TFAP2D: variants seen among roughly 807,000 people sequenced by gnomAD.
The protein encoded by TFAP2D is transcription factor AP-2-delta.
TFAP2D carries 9 observed loss-of-function variants against 43.6 expected under a neutral mutation model. That is an observed-to-expected ratio of 0.21 (90% CI 0.12 to 0.36). TFAP2D has a LOEUF of 0.36. Among genes scored for constraint, TFAP2D ranks in the 10% least tolerant of loss-of-function variants. TFAP2D has a pLI of 1.00. For synonymous variants in TFAP2D, 256 were observed against 224.9 expected (o/e 1.14, Z -1.24); for missense variants, 513 against 561.4 (o/e 0.91, Z 0.87).
At chr6:50,743,423 G>A (rs780906541) in intron 5 of TFAP2D, among the ~76,000 whole-genome samples, 9 of 151,832 alleles carry the variant, frequency 5.9e-5, no homozygotes, top group East Asian at 1.9e-4. Flanking sequence ...ACTCTGTCAC[G>A]CAGGCTGGAG....
At chr6:50,767,463 C>G (rs958095760) in intron 7 of TFAP2D, among the ~76,000 whole-genome samples, 1 of 152,134 alleles carries the variant, frequency 6.6e-6, no homozygotes, top group Admixed American at 6.5e-5. Context: ...AGAGTTTAGC[C>G]TCACCTGTTT....
At chr6:50,722,221 T>G (rs193209764) in intron 3 of TFAP2D, among the ~76,000 whole-genome samples, 1 of 152,214 alleles carries the variant, frequency 6.6e-6, no homozygotes, top group African/African-American at 2.4e-5. Flanking sequence ...GTGTACGCGA[T>G]TTTGCCCGCA....
intron 3 of TFAP2D, among the ~76,000 whole-genome samples, chr6:50,720,081 G>A (rs776529882): frequency 6.6e-6 from 1 of 152,178 alleles, no homozygotes; most frequent in Non-Finnish European, 1.5e-5. Flanking sequence ...GGGACCAGCT[G>A]TTATCCTAAC....
chr6:50,723,654 C>G (rs1561932088), intron 3 of TFAP2D, among the ~76,000 whole-genome samples: 2 of 152,114 alleles, frequency 1.3e-5, no homozygotes, highest in African/African-American at 4.8e-5. Context: ...ACTCTTGTAC[C>G]AAAGCATCCA....
chr6:50,744,636 T>G (rs1361581259), intron 5 of TFAP2D, among the ~76,000 whole-genome samples: 1 of 152,164 alleles, frequency 6.6e-6, no homozygotes, highest in Non-Finnish European at 1.5e-5. Flanking sequence ...TTCTCCGACT[T>G]CCTCGAAAAG....
chr6:50,772,085 CT>C (rs1769536854), intron 7 of TFAP2D, among the ~76,000 whole-genome samples: 2 of 152,138 alleles, frequency 1.3e-5, no homozygotes, highest in Non-Finnish European at 2.9e-5. Flanking sequence ...AGTTCATGTC[CT>C]TTCTAGGGAC....
At chr6:50,726,321 T>C (rs1412925606) in intron 3 of TFAP2D, among the ~76,000 whole-genome samples, 1 of 152,190 alleles carries the variant, frequency 6.6e-6, no homozygotes, top group African/African-American at 2.4e-5. Context: ...TTAGTAAAGA[T>C]AAGAAAGTTC....
At chr6:50,720,486 AACACACACACACACACACAC>A (rs59484837) in intron 3 of TFAP2D, among the ~76,000 whole-genome samples, 7,265 of 139,134 alleles carry the variant, frequency 0.052, 208 homozygotes, top group Non-Finnish European at 0.063. Flanking sequence ...TGGAGATTAA[AACACACACACACACACACAC>A]ACACACACAC....
intron 5 of TFAP2D, among the ~76,000 whole-genome samples, chr6:50,742,451 G>A (rs973728578): frequency 6.6e-6 from 1 of 152,056 alleles, no homozygotes; most frequent in Non-Finnish European, 1.5e-5. Flanking sequence ...CAAAATTCAA[G>A]AGGCGTGCTG....
At chr6:50,724,846 T>A (rs1319249159) in intron 3 of TFAP2D, among the ~76,000 whole-genome samples, 1 of 151,686 alleles carries the variant, frequency 6.6e-6, no homozygotes, top group East Asian at 1.9e-4. Flanking sequence ...GTTGTTTTTT[T>A]AAAAAAAAGT....
intron 5 of TFAP2D, 29 bp downstream of exon 5, chr6:50,729,341 G>T (rs749058586): frequency 2.4e-5 from 38 of 1,585,008 alleles, no homozygotes; most frequent in Non-Finnish European, 3.3e-5. Context: ...GCAAAATAAT[G>T]CTGGAAGGTT....
chr6:50,749,175 A>G lies in TFAP2D; in HGVS notation c.1026-2036A>G, dbSNP rs183628663. 6.5e-4 allele frequency among the ~76,000 whole-genome samples: 98 copies of G among 151,746 alleles called. 2 individuals carry two copies. The East Asian group carries it at 0.013, about 20-fold the overall frequency. On this transcript the variant is annotated intron_variant, in intron 6 of 7. Transcript: ENST00000008391. The stretch of plus-strand genomic sequence containing the variant: ...CTGTAGAATTAAATATAAAAGGGGG[A>G]GATATAATATAATATAATATTACTC...
intron 7 of TFAP2D, among the ~76,000 whole-genome samples, chr6:50,756,377 CTAAT>C (rs144811025): frequency 0.02 from 3,038 of 152,094 alleles, 78 homozygotes; most frequent in East Asian, 0.1. Context: ...AAAGAATACT[CTAAT>C]TAACACCATC....
rs769871422 is a variant in TFAP2D, at chr6:50,728,967, G to A, written c.710G>A (p.Arg237His). Residue 237 changes from arginine (R) to histidine (H), a missense_variant, in exon 4 of 8, where the codon CGC (arginine) becomes CAC (histidine). Arg to His is a conservative substitution (Grantham distance 29, BLOSUM62 0). Around this residue, in one of 3 missense-constraint regions of TFAP2D, gnomAD observed 311 missense variants for 316.2 expected, o/e 0.98. Transcript: ENST00000008391. ...YKVTIAEVKR[R>H]LSPPECLNAS... is the part of the protein sequence containing the mutation. The stretch of plus-strand genomic sequence containing the variant: ...GTGACCATTGCTGAGGTAAAGAGGC[G>A]CCTCTCCCCACCTGAGTGCCTCAAT... The A allele has an allele frequency of 4.3e-6, 7 of 1,613,846 alleles. No homozygotes were observed. The highest frequency in any genetic ancestry group is 1.6e-4 in the Middle Eastern group (1 of 6,076).
chr6:50,769,391 A>G (rs1040500811), intron 7 of TFAP2D, among the ~76,000 whole-genome samples: 5 of 152,194 alleles, frequency 3.3e-5, no homozygotes, highest in Non-Finnish European at 5.9e-5. Context: ...CAGTGTGAGG[A>G]CTTGGTACAC....
intron 3 of TFAP2D, among the ~76,000 whole-genome samples, chr6:50,721,557 AG>A (rs1259362398): frequency 6.6e-6 from 1 of 152,234 alleles, no homozygotes; most frequent in Non-Finnish European, 1.5e-5. Flanking sequence ...AAAACCCTAA[AG>A]AAGCCTATTT....
At chr6:50,756,213 G>A (rs576379870) in intron 7 of TFAP2D, among the ~76,000 whole-genome samples, 10 of 152,048 alleles carry the variant, frequency 6.6e-5, no homozygotes, top group East Asian at 5.8e-4. Flanking sequence ...CTGTAATTTC[G>A]ATAGAACCAT....
chr6:50,725,769 A>G (rs1405783953), intron 3 of TFAP2D, among the ~76,000 whole-genome samples: 1 of 152,138 alleles, frequency 6.6e-6, no homozygotes, highest in Non-Finnish European at 1.5e-5. Context: ...GGTGATATTG[A>G]CCTACTACTT....
At chr6:50,771,084 G>A (rs983786881) in intron 7 of TFAP2D, among the ~76,000 whole-genome samples, 9 of 152,198 alleles carry the variant, frequency 5.9e-5, no homozygotes, top group East Asian at 1.9e-4. Context: ...GACATTTGTC[G>A]TGGTTGGAAG....
Sources: allele counts gnomAD v4.1 joint callset (sites outside exome capture counted in the v4.1 genomes callset), GRCh38; gene constraint gnomAD v4.1.1; regional missense constraint gnomAD v4.1.1; transcripts MANE v1.5; gene names NCBI Gene and HGNC (gene_info 2026-07-23, HGNC 2026-07-21).